Variants in WDR72 observed in about 807,000 individuals in gnomAD.
WDR72 encodes WD repeat domain 72, also known as WD repeat-containing protein 72.
A neutral mutation model predicts 124.2 loss-of-function variants in WDR72; 120 were observed. The observed-to-expected ratio is 0.97, with a 90% confidence interval of 0.83 to 1.12. WDR72 has a LOEUF of 1.12. Among genes scored for constraint, WDR72 ranks in the 50% most tolerant of loss-of-function variants. The pLI, the probability that WDR72 is intolerant of heterozygous loss-of-function variation, is 0.00. For synonymous variants in WDR72, 452 were observed against 441.7 expected (o/e 1.02, Z -0.29); for missense variants, 1,387 against 1,278.8 (o/e 1.08, Z -1.29).
rs769761447 is a variant in WDR72 at position 53,715,384 on chromosome 15, C to CA, written c.340-18dup. 4 of 1,613,750 alleles carry CA rather than the reference C, an allele frequency of 2.5e-6. No individual in the cohort carries two copies. In the African/African-American group the frequency reaches 4.0e-5, roughly 16 times the overall value. Reference sequence around the variant, plus strand: ...GTGGTAATACTACGTACATGGAAAGCAAAGCAAACATTTAATTATCACTAA... The same window carrying CA: ...GTGGTAATACTACGTACATGGAAAGCAAAAGCAAACATTTAATTATCACTAA... On this transcript the variant is annotated splice_polypyrimidine_tract_variant and intron_variant, in intron 4 of 19. Transcript: ENST00000360509.
intron 14 of WDR72, among the ~76,000 whole-genome samples, chr15:53,650,091 T>C (rs1567004777): frequency 7.3e-6 from 1 of 137,434 alleles, no homozygotes; most frequent in Non-Finnish European, 1.6e-5. Flanking sequence ...ATACATACAA[T>C]GGAATAACAT....
intron 18 of WDR72, among the ~76,000 whole-genome samples, chr15:53,557,542 T>A (rs1166507838): frequency 6.6e-5 from 10 of 152,014 alleles, no homozygotes. Context: ...CAAGAAACAA[T>A]GCCTTGATCT....
chr15:53,687,422 T>A (rs933039792), intron 13 of WDR72, among the ~76,000 whole-genome samples: 1 of 151,014 alleles, frequency 6.6e-6, no homozygotes, highest in African/African-American at 2.4e-5. Flanking sequence ...CATCAGAGAA[T>A]ACTACAAACA....
intron 9 of WDR72, among the ~76,000 whole-genome samples, chr15:53,710,561 T>C (rs1038109941): frequency 6.6e-6 from 1 of 152,258 alleles, no homozygotes; most frequent in Non-Finnish European, 1.5e-5. Context: ...GAATATGTAC[T>C]GCGGTGAAAT....
intron 3 of WDR72, among the ~76,000 whole-genome samples, chr15:53,721,730 A>G (rs1216758666): frequency 6.6e-6 from 1 of 152,190 alleles, no homozygotes; most frequent in East Asian, 1.9e-4. Flanking sequence ...CTTTGTATTA[A>G]AAACAAAAGA....
chr15:53,706,097 T>G, intron 9 of WDR72, 23 bp from the exon 10 acceptor site: 1 of 1,613,422 alleles, frequency 6.2e-7, no homozygotes, highest in Non-Finnish European at 8.5e-7. Context: ...TGAGCTTTTA[T>G]GTAGGAAATA....
At position 53,516,131 on chromosome 15, in the gene WDR72, A is replaced by G. The variant is rs1314273101; in HGVS notation, c.*1568T>C. ...GAATATATTTATCAATCAGTTTTCA[A>G]AGGATAATAATTTTCCATGATTATT... On this transcript the variant is annotated 3_prime_UTR_variant, in exon 20 of 20. Transcript: ENST00000360509. The G allele has an allele frequency of 6.6e-6, 1 of 152,144 alleles. No individual in the cohort carries two copies. The highest frequency in any genetic ancestry group is 2.4e-5 in the African/African-American group (1 of 41,446). The allele number at this position is 152,144 out of a possible 1,614,324, so 9.4% of individuals were successfully genotyped here.
intron 1 of WDR72, among the ~76,000 whole-genome samples, chr15:53,758,384 A>G (rs2018970332): frequency 6.6e-6 from 1 of 152,152 alleles, no homozygotes; most frequent in South Asian, 2.1e-4. Context: ...TCAATATAAA[A>G]TATTAATTTT....
chr15:53,573,587 C>T (rs867090515), intron 18 of WDR72, among the ~76,000 whole-genome samples: 11 of 151,950 alleles, frequency 7.2e-5, no homozygotes, highest in Middle Eastern at 6.8e-3. Flanking sequence ...GCTCTGTCAC[C>T]CAGGCTGGAG....
rs3081214 is a variant in WDR72, at chr15:53,575,006, AACACACACAC to A, written c.3148+22063_3148+22072del. On this transcript the variant is annotated intron_variant, in intron 18 of 19. Coordinates refer to ENST00000360509, the MANE Select transcript of WDR72 (RefSeq NM_182758.4). ...AAAGAGGCTAATGAAAATCAAACACAACACACACACACACACACACACACACACACACACA... is the reference window on the plus strand; with the variant it reads ...AAAGAGGCTAATGAAAATCAAACACAACACACACACACACACACACACACA... 4.8e-4 allele frequency among the ~76,000 whole-genome samples: 70 copies of A among 147,286 alleles called. 1 individual carries two copies. The highest frequency in any genetic ancestry group is 4.0e-3 in the South Asian group (18 of 4,498).
At chr15:53,554,305 A>T (rs1037697470) in intron 18 of WDR72, among the ~76,000 whole-genome samples, 11 of 152,052 alleles carry the variant, frequency 7.2e-5, no homozygotes, top group Non-Finnish European at 1.3e-4. Context: ...TTTTGAACCA[A>T]TTTTTTGTTA....
chr15:53,699,987 G>A, intron 12 of WDR72, 42 bp from the exon 13 acceptor site: 5 of 1,611,104 alleles, frequency 3.1e-6, no homozygotes, highest in Non-Finnish European at 4.2e-6. Flanking sequence ...ATAGTCAAAT[G>A]CTTTCTTTAT....
At chr15:53,570,568 A>G (rs186156894) in intron 18 of WDR72, among the ~76,000 whole-genome samples, 1 of 152,274 alleles carries the variant, frequency 6.6e-6, no homozygotes, top group East Asian at 1.9e-4. Context: ...GGGTATTATT[A>G]AAATGTCAAA....
At chr15:53,626,700 G>GT (rs2014225551) in intron 14 of WDR72, among the ~76,000 whole-genome samples, 2 of 152,142 alleles carry the variant, frequency 1.3e-5, no homozygotes, top group Admixed American at 1.3e-4. Flanking sequence ...ACCTCCTGTT[G>GT]TTGCCTAATT....
At chr15:53,617,592 T>G (rs1488222002) in intron 14 of WDR72, among the ~76,000 whole-genome samples, 1 of 151,676 alleles carries the variant, frequency 6.6e-6, no homozygotes, top group African/African-American at 2.4e-5. Context: ...AATAAATAAT[T>G]TTTGCAAATC....
chr15:53,648,816 T>C (rs1375346620), intron 14 of WDR72, among the ~76,000 whole-genome samples: 2 of 151,804 alleles, frequency 1.3e-5, no homozygotes, highest in Non-Finnish European at 2.9e-5. Context: ...CAAACAACCA[T>C]ACCACAATAA....
intron 14 of WDR72, among the ~76,000 whole-genome samples, chr15:53,642,792 C>G (rs1436074399): frequency 6.6e-6 from 1 of 152,072 alleles, no homozygotes; most frequent in Non-Finnish European, 1.5e-5. Context: ...GACATGCCAT[C>G]TACTTTAACT....
chr15:53,714,645 C>T (rs2017653044), intron 5 of WDR72, 135 bp from the exon 6 acceptor site: 1 of 688,424 alleles, frequency 1.5e-6, no homozygotes, highest in East Asian at 2.7e-5. Flanking sequence ...TACTTTTTAA[C>T]TAGAAAAAAT....
intron 14 of WDR72, among the ~76,000 whole-genome samples, chr15:53,658,095 G>C (rs1360836936): frequency 6.6e-6 from 1 of 152,028 alleles, no homozygotes; most frequent in East Asian, 1.9e-4. Context: ...GTCCTCTCAG[G>C]AACAGCAATA....
Sources: gnomAD v4.1 joint callset for allele counts (sites outside exome capture counted in the v4.1 genomes callset) on GRCh38, gnomAD v4.1.1 for gene constraint, MANE v1.5 for transcripts, NCBI Gene and HGNC (gene_info 2026-07-23, HGNC 2026-07-21) for gene names.